GRIN2A: variants seen among roughly 807,000 people sequenced by gnomAD.
The protein encoded by GRIN2A is glutamate ionotropic receptor NMDA type subunit 2A, also known as glutamate receptor ionotropic, NMDA 2A.
Under a neutral mutation model 113.4 loss-of-function variants are expected in GRIN2A, and 22 were observed. The ratio of observed to expected loss-of-function variants is 0.19; its 90% CI spans 0.14 to 0.28. The LOEUF is 0.28. Among genes scored for constraint, GRIN2A ranks in the 10% least tolerant of loss-of-function variants. The pLI is 1.00. For synonymous variants in GRIN2A, 827 were observed against 738.4 expected, an observed-to-expected ratio of 1.12 and a Z score of -1.94; for missense variants, 1,502 against 1,887.0, an observed-to-expected ratio of 0.80 and a Z score of 3.78.
intron 4 of GRIN2A, among the ~76,000 whole-genome samples, chr16:9,853,223 T>C (rs2042914947): frequency 6.6e-6 from 1 of 152,154 alleles, no homozygotes; most frequent in Non-Finnish European, 1.5e-5. Context: ...CCTTGTAGGC[T>C]CTATTAAGAA....
chr16:9,821,880 T>A (rs1046646244), intron 10 of GRIN2A, among the ~76,000 whole-genome samples: 3 of 152,194 alleles, frequency 2.0e-5, no homozygotes, highest in African/African-American at 7.2e-5. Context: ...AGCAAGCTAC[T>A]CCTCCCCACA....
At chr16:10,043,168 T>C (rs1303538852) in intron 2 of GRIN2A, among the ~76,000 whole-genome samples, 14 of 152,202 alleles carry the variant, frequency 9.2e-5, no homozygotes, top group Admixed American at 9.2e-4. Context: ...CTTTCTAATC[T>C]CTCTAGTATC....
intron 3 of GRIN2A, among the ~76,000 whole-genome samples, chr16:9,902,047 G>A (rs912095218): frequency 6.6e-6 from 1 of 151,890 alleles, no homozygotes; most frequent in Non-Finnish European, 1.5e-5. Context: ...AGAGAAAACA[G>A]AGGTGGGTTT....
chr16:10,180,251 A>C lies in GRIN2A; in HGVS notation c.161T>G (p.Leu54Arg). 6.2e-7 allele frequency: 1 copy of C among 1,613,952 alleles called. No individual in the cohort carries two copies. The highest frequency in any genetic ancestry group is 8.5e-7 in the Non-Finnish European group (1 of 1,180,014). The change falls in exon 2 of 13, where the codon CTG becomes CGG. Residue 54 changes from leucine (L) to arginine (R), a missense_variant. By Grantham distance (102) the Leu-to-Arg change is moderately radical (BLOSUM62 -2). This residue lies in a region of GRIN2A where 149 missense variants were observed against 179.1 expected (regional missense o/e 0.83). Coordinates refer to ENST00000330684, the MANE Select transcript of GRIN2A (RefSeq NM_001134407.3). The surrounding 1 kb of genome is among the most constrained non-coding windows in gnomAD (Gnocchi z 7.0). ...CCCCGCCGCCTGCTCGGGGCCCCACAGTGTTCGAAGTTCGCGCTCTGTCAC... is the reference window on the plus strand; with the variant it reads ...CCCCGCCGCCTGCTCGGGGCCCCACCGTGTTCGAAGTTCGCGCTCTGTCAC... ...HDVTERELRTLWGPEQAAGLP... is the reference protein window; with the variant it reads ...HDVTERELRTRWGPEQAAGLP...
At chr16:10,079,928 A>G (rs1040198015) in intron 2 of GRIN2A, among the ~76,000 whole-genome samples, 2 of 152,220 alleles carry the variant, frequency 1.3e-5, no homozygotes, top group Middle Eastern at 3.2e-3. Context: ...TCCTGTATGA[A>G]GAATTGCATG....
At chr16:9,863,928 G>A (rs1042542604) in intron 4 of GRIN2A, among the ~76,000 whole-genome samples, 1 of 152,180 alleles carries the variant, frequency 6.6e-6, no homozygotes, top group Non-Finnish European at 1.5e-5. Flanking sequence ...AAGTTTAGGA[G>A]GAGATGTGAA....
At chr16:10,133,559 A>G (rs1449443808) in intron 2 of GRIN2A, among the ~76,000 whole-genome samples, 1 of 152,230 alleles carries the variant, frequency 6.6e-6, no homozygotes, top group Non-Finnish European at 1.5e-5. Context: ...GTGAGCCAAT[A>G]TCATGCCACT....
At chr16:10,146,114 A>G (rs756138340) in intron 2 of GRIN2A, among the ~76,000 whole-genome samples, 77 of 152,134 alleles carry the variant, frequency 5.1e-4, no homozygotes, top group Non-Finnish European at 9.4e-4. Context: ...CCACTCATCC[A>G]TTTATTCAAC....
intron 3 of GRIN2A, among the ~76,000 whole-genome samples, chr16:9,930,318 C>T (rs2044559436): frequency 6.6e-6 from 1 of 152,142 alleles, no homozygotes; most frequent in Non-Finnish European, 1.5e-5. Context: ...TCTCTGTTTA[C>T]AATCAAGGAA....
Position 9,756,638 on chromosome 16 carries a change from A to T in GRIN2A, c.*6511T>A, listed in dbSNP as rs1448152019. 5.1e-6 allele frequency: 1 copy of T among 194,410 alleles called. No homozygotes were observed. The highest frequency in any genetic ancestry group is 2.3e-5 in the African/African-American group (1 of 43,178). The allele number at this position is 194,410 out of a possible 1,614,324, so 12.0% of individuals were successfully genotyped here. On this transcript the variant is annotated 3_prime_UTR_variant, in exon 13 of 13. Transcript: ENST00000330684. ...TTTCCTTATCTGTAAAATGGGAGCA[A>T]TCATATTTATATCTTAAGGTTGTTT... is the stretch of plus-strand genomic sequence containing the variant.
chr16:10,045,786 A>G (rs2047247364), intron 2 of GRIN2A, among the ~76,000 whole-genome samples: 1 of 152,182 alleles, frequency 6.6e-6, no homozygotes, highest in Non-Finnish European at 1.5e-5. Flanking sequence ...CCCTTTTCCA[A>G]GCTGATGGAG....
intron 3 of GRIN2A, among the ~76,000 whole-genome samples, chr16:9,914,418 G>T (rs1431195975): frequency 6.6e-6 from 1 of 152,202 alleles, no homozygotes; most frequent in African/African-American, 2.4e-5. Context: ...TTGTCCAATA[G>T]TGTCTAATAG....
chr16:9,831,086 C>T (rs912269644), intron 8 of GRIN2A, among the ~76,000 whole-genome samples: 6 of 152,088 alleles, frequency 3.9e-5, no homozygotes, highest in Admixed American at 3.9e-4. Flanking sequence ...AACAGAAAAC[C>T]ATTTTGTACA....
intron 3 of GRIN2A, among the ~76,000 whole-genome samples, chr16:9,935,092 T>G (rs561030951): frequency 1.4e-4 from 21 of 152,234 alleles, no homozygotes; most frequent in Non-Finnish European, 2.5e-4. Context: ...GGGTGGTCAC[T>G]GGAAAGGGAT....
intron 2 of GRIN2A, among the ~76,000 whole-genome samples, chr16:9,941,461 G>C (rs146832449): frequency 1.3e-4 from 20 of 152,352 alleles, no homozygotes; most frequent in African/African-American, 4.3e-4. Flanking sequence ...AGCCAGCTCG[G>C]CACAGGCCAT....
chr16:9,849,813 G>C lies in GRIN2A; in HGVS notation c.1271C>G (p.Pro424Arg), dbSNP rs375260513. 1 of 1,614,036 alleles carries C rather than the reference G, an allele frequency of 6.2e-7. No homozygotes were observed. The highest frequency in any genetic ancestry group is 1.3e-5 in the African/African-American group (1 of 75,022). The change falls in exon 5 of 13, where the codon CCC becomes CGC. Residue 424 changes from proline to arginine, a missense_variant. Physicochemically the swap from Pro to Arg is moderately radical, Grantham distance 103. This residue lies in a region of GRIN2A where 334 missense variants were observed against 403.0 expected (regional missense o/e 0.83). Transcript: ENST00000330684. ...GTTCCTCACACACGTCTCGGTCAGG[G>C]GGTCTATGTCTTCCACGATGACGAA... ...APFVIVEDID[P>R]LTETCVRNTV...
At chr16:10,159,026 A>G (rs1055841830) in intron 2 of GRIN2A, among the ~76,000 whole-genome samples, 7 of 152,182 alleles carry the variant, frequency 4.6e-5, no homozygotes, top group African/African-American at 1.4e-4. Context: ...AAAAAAACAG[A>G]GGTTGTGGAG....
intron 2 of GRIN2A, among the ~76,000 whole-genome samples, chr16:10,156,178 T>C (rs1186773524): frequency 6.6e-5 from 10 of 152,170 alleles, no homozygotes; most frequent in Non-Finnish European, 1.5e-4. Context: ...CCCACAGTGA[T>C]TTTCAACTCT....
intron 9 of GRIN2A, among the ~76,000 whole-genome samples, chr16:9,828,802 A>C (rs2042433686): frequency 6.6e-6 from 1 of 152,162 alleles, no homozygotes; most frequent in African/African-American, 2.4e-5. Context: ...AAGATTAGTG[A>C]TATATCTGAG....
Sources: gnomAD v4.1 joint callset for allele counts (sites outside exome capture counted in the v4.1 genomes callset) on GRCh38, gnomAD v4.1.1 for gene constraint, gnomAD v4.1.1 regional missense constraint, Gnocchi (gnomAD v3.1) non-coding constraint, MANE v1.5 for transcripts, NCBI Gene and HGNC (gene_info 2026-07-23, HGNC 2026-07-21) for gene names.